The following SPAG16 variants were observed in gnomAD, a reference collection of about 807,000 sequenced individuals.
The protein encoded by SPAG16 is sperm-associated antigen 16 protein.
A neutral mutation model predicts 80.4 loss-of-function variants in SPAG16; 86 were observed. The observed-to-expected ratio is 1.07, with a 90% CI of 0.90 to 1.28. The LOEUF is 1.28. Ranked by LOEUF, SPAG16 falls within the 50% of genes most tolerant of loss-of-function variation. The pLI is 0.00. For missense variants in SPAG16, 870 were observed against 765.3 expected (o/e 1.14, Z -1.61); for synonymous variants, 294 against 265.9 (o/e 1.11, Z -1.03).
chr2:213,892,759 G>A (rs1422514407), intron 11 of SPAG16, among the ~76,000 whole-genome samples: 1 of 151,822 alleles, frequency 6.6e-6, no homozygotes, highest in Non-Finnish European at 1.5e-5. Context: ...AATATACAGA[G>A]GAGAAAAAAG....
At chr2:214,006,077 A>G (rs1467641993) in intron 12 of SPAG16, among the ~76,000 whole-genome samples, 2 of 152,196 alleles carry the variant, frequency 1.3e-5, no homozygotes, top group African/African-American at 4.8e-5. Context: ...ATGGTAATGA[A>G]TTCTAGTATT....
chr2:214,125,799 T>C (rs1208170883), intron 14 of SPAG16, among the ~76,000 whole-genome samples: 2 of 151,668 alleles, frequency 1.3e-5, no homozygotes, highest in Non-Finnish European at 2.9e-5. Flanking sequence ...AACAAATGTA[T>C]TTAATCAGGG....
chr2:213,553,855 AC>A (rs2059337778), intron 10 of SPAG16, among the ~76,000 whole-genome samples: 2 of 151,762 alleles, frequency 1.3e-5, no homozygotes, highest in East Asian at 3.9e-4. Flanking sequence ...GGCCATTTTA[AC>A]TCTGCATACA....
At chr2:214,218,169 A>G (rs1399116822) in intron 15 of SPAG16, among the ~76,000 whole-genome samples, 1 of 150,702 alleles carries the variant, frequency 6.6e-6, no homozygotes, top group African/African-American at 2.5e-5. Context: ...CGATTCTTAC[A>G]TCAGCTTCTG....
chr2:213,945,997 T>C (rs2079441157), intron 12 of SPAG16, among the ~76,000 whole-genome samples: 1 of 152,202 alleles, frequency 6.6e-6, no homozygotes, highest in Non-Finnish European at 1.5e-5. Flanking sequence ...TTTTACCATA[T>C]TTTATATGAC....
At chr2:213,775,849 T>A (rs975639797) in intron 10 of SPAG16, among the ~76,000 whole-genome samples, 1 of 152,382 alleles carries the variant, frequency 6.6e-6, no homozygotes, top group South Asian at 2.1e-4. Flanking sequence ...TTTTTGGTTT[T>A]ATTTGTGTAT....
intron 9 of SPAG16, among the ~76,000 whole-genome samples, chr2:213,412,705 G>A (rs1350627667): frequency 6.6e-6 from 1 of 151,972 alleles, no homozygotes; most frequent in African/African-American, 2.4e-5. Context: ...AAGCGCTAAA[G>A]GCTTAGTTCT....
chr2:213,583,533 T>C (rs1559279409), intron 10 of SPAG16, among the ~76,000 whole-genome samples: 1 of 152,184 alleles, frequency 6.6e-6, no homozygotes, highest in Non-Finnish European at 1.5e-5. Context: ...ATGCTTCATA[T>C]ACTGCTAAAT....
chr2:213,636,722 A>G (rs1431820404), intron 10 of SPAG16, among the ~76,000 whole-genome samples: 1 of 152,092 alleles, frequency 6.6e-6, no homozygotes, highest in East Asian at 1.9e-4. Flanking sequence ...AGCTATTGTA[A>G]AAGGGGTTCA....
chr2:213,902,486 A>G (rs1443993454), intron 11 of SPAG16, among the ~76,000 whole-genome samples: 2 of 152,152 alleles, frequency 1.3e-5, no homozygotes, highest in African/African-American at 2.4e-5. Flanking sequence ...CCCTAATAAA[A>G]CCATCAGATC....
intron 10 of SPAG16, among the ~76,000 whole-genome samples, chr2:213,526,244 T>C (rs930607722): frequency 6.6e-6 from 1 of 152,210 alleles, no homozygotes; most frequent in Non-Finnish European, 1.5e-5. Flanking sequence ...CAATTTTTAG[T>C]GTTCATATAA....
chr2:213,356,682 A>G (rs2065673710), intron 7 of SPAG16, among the ~76,000 whole-genome samples: 1 of 151,928 alleles, frequency 6.6e-6, no homozygotes, highest in African/African-American at 2.4e-5. Flanking sequence ...AATATTGTTG[A>G]TCTTTCAAAA....
chr2:213,633,815 C>A (rs1299340047), intron 10 of SPAG16, among the ~76,000 whole-genome samples: 1 of 152,068 alleles, frequency 6.6e-6, no homozygotes, highest in African/African-American at 2.4e-5. Context: ...GTCTTGAAAT[C>A]TATTTTGTCT....
chr2:214,288,818 G>T (rs984937183), intron 15 of SPAG16, among the ~76,000 whole-genome samples: 6 of 146,996 alleles, frequency 4.1e-5, no homozygotes, highest in African/African-American at 7.5e-5. Context: ...ACCCAGGCTG[G>T]AGTGCAGTGG....
intron 7 of SPAG16, among the ~76,000 whole-genome samples, chr2:213,360,796 G>A (rs2065938082): frequency 6.6e-6 from 1 of 152,134 alleles, no homozygotes; most frequent in Admixed American, 6.5e-5. Flanking sequence ...ATGTAAAATA[G>A]AAGATAGGTT....
At chr2:213,734,812 C>A (rs1030395427) in intron 10 of SPAG16, among the ~76,000 whole-genome samples, 6 of 151,838 alleles carry the variant, frequency 4.0e-5, no homozygotes, top group Non-Finnish European at 7.4e-5. Context: ...TATTTTTAAA[C>A]TTTTGAAAAG....
At chr2:213,543,360 G>A (rs994847540) in intron 10 of SPAG16, among the ~76,000 whole-genome samples, 2 of 151,806 alleles carry the variant, frequency 1.3e-5, no homozygotes, top group African/African-American at 4.8e-5. Context: ...GACGTTGCAA[G>A]GAACTTCTCT....
chr2:213,977,310 C>T (rs1361929535), intron 12 of SPAG16, among the ~76,000 whole-genome samples: 1 of 152,022 alleles, frequency 6.6e-6, no homozygotes, highest in African/African-American at 2.4e-5. Flanking sequence ...ATGCTGTTAT[C>T]TAGGTCCAGG....
chr2:213,333,342 GA>G (rs1242004267), intron 5 of SPAG16, among the ~76,000 whole-genome samples: 1 of 152,032 alleles, frequency 6.6e-6, no homozygotes. Flanking sequence ...ACTGATGAAA[GA>G]AATTGAAGAG....
Sources: allele counts gnomAD v4.1 joint callset (sites outside exome capture counted in the v4.1 genomes callset), GRCh38; gene constraint gnomAD v4.1.1; transcripts MANE v1.5; gene names NCBI Gene and HGNC (gene_info 2026-07-23, HGNC 2026-07-21).